The following SEC24B variants were observed in gnomAD, a reference collection of about 807,000 sequenced individuals.
SEC24B encodes SEC24 homolog B, COPII component, also known as protein transport protein Sec24B.
In SEC24B, 45 loss-of-function variants were observed where a neutral mutation model predicts 142.8. That is an observed-to-expected ratio of 0.32 (90% confidence interval 0.25 to 0.40). The LOEUF (loss-of-function observed/expected upper bound fraction) is 0.40, where lower values mean the gene tolerates loss of function less well. SEC24B is among the 10% of genes least tolerant of loss of function. SEC24B has a pLI of 1.00. For missense variants in SEC24B, 1,409 were observed against 1,526.8 expected, an observed-to-expected ratio of 0.92 and a Z score of 1.29; for synonymous variants, 574 against 568.2, an observed-to-expected ratio of 1.01 and a Z score of -0.15.
chr4:109,488,462 C>CA (rs1295065490), intron 4 of SEC24B, among the ~76,000 whole-genome samples: 1 of 151,872 alleles, frequency 6.6e-6, no homozygotes, highest in Non-Finnish European at 1.5e-5. Context: ...TTTTTGTTAC[C>CA]AAAAAATATT....
chr4:109,518,082 C>T (rs538171440), intron 11 of SEC24B, among the ~76,000 whole-genome samples: 1 of 152,098 alleles, frequency 6.6e-6, no homozygotes, highest in African/African-American at 2.4e-5. Context: ...ATTCTCTTGC[C>T]TCAGCCTCCC....
At chr4:109,440,379 G>A (rs1205315845) in intron 1 of SEC24B, among the ~76,000 whole-genome samples, 2 of 152,182 alleles carry the variant, frequency 1.3e-5, no homozygotes, top group African/African-American at 2.4e-5. Context: ...TTATGCTAAA[G>A]GTATTAGAAT....
chr4:109,509,700 A>C (rs1487732207), intron 7 of SEC24B, among the ~76,000 whole-genome samples: 2 of 151,674 alleles, frequency 1.3e-5, no homozygotes, highest in Non-Finnish European at 2.9e-5. Context: ...AAAAAAAAAA[A>C]AAGTAGGCCT....
At chr4:109,467,893 A>C (rs1354580856) in intron 2 of SEC24B, among the ~76,000 whole-genome samples, 3 of 152,240 alleles carry the variant, frequency 2.0e-5, no homozygotes, top group Non-Finnish European at 4.4e-5. Flanking sequence ...ACTTGAGTAA[A>C]AATAATAAGT....
At position 109,507,891 on chromosome 4, in the gene SEC24B, C is replaced by T. The variant is rs1009058974; in HGVS notation, c.1673+1379C>T. ...AACTCCCGACCTCAGGTGATCCGCC[C>T]ACCTCGTCCTCCCAAAGTGCTGGCA... On this transcript the variant is annotated intron_variant, in intron 7 of 23. Transcript: ENST00000265175. Among the ~76,000 whole-genome samples the T allele has an allele frequency of 2.6e-5, 4 of 152,182 alleles. No individual in the cohort carries two copies. The East Asian group carries it at 5.8e-4, about 22-fold the overall frequency.
chr4:109,505,729 A>G (rs1319118878), intron 6 of SEC24B, among the ~76,000 whole-genome samples: 1 of 152,206 alleles, frequency 6.6e-6, no homozygotes, highest in Non-Finnish European at 1.5e-5. Flanking sequence ...GTAAAAGAGT[A>G]TAAAATAGTG....
rs537196993 is a variant in SEC24B at position 109,453,918 on chromosome 4, C to T, written c.134-8983C>T. The stretch of plus-strand genomic sequence containing the variant: ...TGTCCCCCAGGCTGGAGTGCAATGG[C>T]GTGATCTCAGCTCACTGCAACCTCC... On this transcript the variant is annotated intron_variant, in intron 1 of 23. Coordinates refer to ENST00000265175, the MANE Select transcript of SEC24B (RefSeq NM_006323.5). Among the ~76,000 whole-genome samples the T allele has an allele frequency of 1.9e-4, 29 of 152,234 alleles. No homozygotes were observed. In the East Asian group the frequency reaches 4.9e-3, roughly 26 times the overall value.
chr4:109,482,938 ATATATATATATATATATAT>A, intron 4 of SEC24B, among the ~76,000 whole-genome samples: 1 of 14,094 alleles, frequency 7.1e-5, no homozygotes, highest in Non-Finnish European at 1.5e-4. Context: ...GGCTTGTACT[ATATATATATATATATATAT>A]ATATATATAT....
At chr4:109,488,667 C>G (rs761189553) in intron 4 of SEC24B, 2 of 162,738 alleles carry the variant, frequency 1.2e-5, no homozygotes, top group African/African-American at 4.8e-5. Flanking sequence ...GAGAAACTGC[C>G]AAACTGTTTT....
At chr4:109,465,073 G>A (rs912820269) in intron 2 of SEC24B, among the ~76,000 whole-genome samples, 9 of 152,184 alleles carry the variant, frequency 5.9e-5, no homozygotes, top group African/African-American at 2.2e-4. Flanking sequence ...TAGTGGCATT[G>A]ACAGACTTCA....
At chr4:109,439,023 T>A (rs962074649) in intron 1 of SEC24B, among the ~76,000 whole-genome samples, 1 of 152,202 alleles carries the variant, frequency 6.6e-6, no homozygotes, top group Non-Finnish European at 1.5e-5. Flanking sequence ...GCAGTCAGAT[T>A]TAATAATAAG....
chr4:109,516,423 AT>A (rs1378056673), intron 10 of SEC24B, 104 bp from the exon 11 acceptor site: 5 of 637,736 alleles, frequency 7.8e-6, no homozygotes, highest in Non-Finnish European at 1.3e-5. Flanking sequence ...CTATTTGTGT[AT>A]TTTTTGTGTT....
At chr4:109,529,495 C>A (rs995667628) in intron 18 of SEC24B, among the ~76,000 whole-genome samples, 5 of 151,958 alleles carry the variant, frequency 3.3e-5, no homozygotes, top group East Asian at 3.9e-4. Flanking sequence ...TTTCACGTTA[C>A]CTGTGTCTTA....
At chr4:109,467,630 A>G (rs991250343) in intron 2 of SEC24B, among the ~76,000 whole-genome samples, 1 of 152,202 alleles carries the variant, frequency 6.6e-6, no homozygotes, top group Non-Finnish European at 1.5e-5. Flanking sequence ...CTGTAGATTC[A>G]TTTAAAATAA....
Position 109,519,873 on chromosome 4 carries a change from A to G in SEC24B, c.2127-493A>G, listed in dbSNP as rs182492255. On this transcript the variant is annotated intron_variant, in intron 11 of 23. Coordinates refer to ENST00000265175, the MANE Select transcript of SEC24B (RefSeq NM_006323.5). ...CATAACTGAAGTTAACATAGTTGGT[A>G]GTACTTAGTAATATGCTTCTGTGAG... Among the ~76,000 whole-genome samples the G allele has an allele frequency of 3.9e-5, 6 of 152,354 alleles. No homozygotes were observed. The East Asian group carries it at 1.2e-3, about 29-fold the overall frequency.
intron 3 of SEC24B, 78 bp downstream of exon 3, chr4:109,473,264 A>G: frequency 1.0e-6 from 1 of 998,870 alleles, no homozygotes; most frequent in Non-Finnish European, 1.4e-6. Context: ...AAAGTTACTT[A>G]TAATCTCAAT....
chr4:109,505,364 A>G (rs998055889), intron 6 of SEC24B, among the ~76,000 whole-genome samples: 1 of 152,124 alleles, frequency 6.6e-6, no homozygotes, highest in African/African-American at 2.4e-5. Context: ...GAAAAATTTA[A>G]TAATCTGACA....
chr4:109,500,127 G>A (rs947992048), intron 6 of SEC24B, among the ~76,000 whole-genome samples: 4 of 152,180 alleles, frequency 2.6e-5, no homozygotes, highest in African/African-American at 9.7e-5. Flanking sequence ...AAAAGTTACG[G>A]AATAAGGCTG....
At chr4:109,472,604 T>C (rs1241009099) in intron 2 of SEC24B, among the ~76,000 whole-genome samples, 1 of 152,132 alleles carries the variant, frequency 6.6e-6, no homozygotes, top group Non-Finnish European at 1.5e-5. Context: ...ACTCACCTCC[T>C]TACCTGAGTC....
Sources: gnomAD v4.1 joint callset for allele counts (sites outside exome capture counted in the v4.1 genomes callset) on GRCh38, gnomAD v4.1.1 for gene constraint, MANE v1.5 for transcripts, NCBI Gene and HGNC (gene_info 2026-07-23, HGNC 2026-07-21) for gene names.